DZANK1: variants seen among roughly 807,000 people sequenced by gnomAD.
DZANK1 encodes the protein double zinc ribbon and ankyrin repeat-containing protein 1.
DZANK1 carries 91 observed loss-of-function variants against 94.5 expected under a neutral mutation model. The observed-to-expected ratio is 0.96, with a 90% CI of 0.81 to 1.15. The LOEUF (loss-of-function observed/expected upper bound fraction) is 1.15, where lower values mean the gene tolerates loss of function less well. Among genes scored for constraint, DZANK1 ranks in the 50% most tolerant of loss-of-function variants. The pLI, the probability that DZANK1 is intolerant of heterozygous loss-of-function variation, is 0.00. For synonymous variants in DZANK1, 312 were observed against 325.3 expected (o/e 0.96, Z 0.44); for missense variants, 903 against 916.4 (o/e 0.99, Z 0.19).
chr20:18,434,545 C>CAAAAAA (rs55680576), intron 8 of DZANK1, among the ~76,000 whole-genome samples: 1 of 47,558 alleles, frequency 2.1e-5, no homozygotes, highest in Non-Finnish European at 4.1e-5. Context: ...GACTCCTGCT[C>CAAAAAA]AAAAAAAAAA....
intron 14 of DZANK1, among the ~76,000 whole-genome samples, chr20:18,397,805 C>T (rs1165442856): frequency 1.3e-5 from 2 of 152,136 alleles, no homozygotes; most frequent in African/African-American, 2.4e-5. Context: ...TCAGCTGGCG[C>T]ACCTACATGC....
chr20:18,402,648 G>A (rs554096043), intron 13 of DZANK1, among the ~76,000 whole-genome samples: 8 of 152,108 alleles, frequency 5.3e-5, no homozygotes, highest in South Asian at 2.1e-4. Context: ...CAAGTCACCC[G>A]CTTGGCCTTC....
At chr20:18,384,994 C>T (rs1230067859) in intron 20 of DZANK1, 22 bp downstream of exon 20, 1 of 1,550,240 alleles carries the variant, frequency 6.5e-7, no homozygotes, top group East Asian at 2.4e-5. Flanking sequence ...CAAAAGTATC[C>T]ATCAGAGGCC....
At chr20:18,384,339 G>GT in exon 21 of DZANK1, 1 of 1,513,226 alleles carries the variant, frequency 6.6e-7, no homozygotes, top group Non-Finnish European at 8.9e-7. Context: ...GATTACAGGC[G>GT]TAAGCCACTG....
intron 13 of DZANK1, among the ~76,000 whole-genome samples, chr20:18,408,135 GT>G (rs2057051227): frequency 6.6e-6 from 1 of 152,126 alleles, no homozygotes; most frequent in South Asian, 2.1e-4. Flanking sequence ...GGCCAACAGG[GT>G]GAAACCCCAT....
chr20:18,459,930 A>G (rs936638054), intron 3 of DZANK1, among the ~76,000 whole-genome samples: 1 of 152,232 alleles, frequency 6.6e-6, no homozygotes, highest in Admixed American at 6.5e-5. Flanking sequence ...ATTAATATAC[A>G]TAACACTTCA....
At position 18,453,734 on chromosome 20, in the gene DZANK1, G is replaced by T. The variant is rs368952463; in HGVS notation, c.472C>A (p.Pro158Thr). 94 of 1,608,138 alleles carry T rather than the reference G, an allele frequency of 5.8e-5. No individual in the cohort carries two copies. The highest frequency in any genetic ancestry group is 7.5e-5 in the Non-Finnish European group (88 of 1,175,650). Residue 158 changes from proline to threonine, a missense_variant, in exon 5 of 21, where the codon CCA (proline) becomes ACA (threonine). Physicochemically the swap from Pro to Thr is conservative, Grantham distance 38 (BLOSUM62 -1). Transcript: ENST00000262547. ...TCTTTGTTCTGTCACATCATACCTG[G>T]AAACTTTCTAAGGTTAACATTCCAG... is the stretch of plus-strand genomic sequence containing the variant.
chr20:18,444,087 A>G (rs115777571), intron 7 of DZANK1, among the ~76,000 whole-genome samples: 2,776 of 152,282 alleles, frequency 0.018, 92 homozygotes, highest in African/African-American at 0.064. Flanking sequence ...TGCTACTGCC[A>G]TGCCTTTCCA....
At chr20:18,424,063 A>C (rs1048601030) in intron 10 of DZANK1, among the ~76,000 whole-genome samples, 1 of 152,228 alleles carries the variant, frequency 6.6e-6, no homozygotes, top group African/African-American at 2.4e-5. Context: ...ATGATAAAGA[A>C]AGAACACACA....
chr20:18,414,269 G>T, intron 12 of DZANK1, 79 bp downstream of exon 12: 1 of 1,512,558 alleles, frequency 6.6e-7, no homozygotes, highest in Middle Eastern at 2.4e-4. Flanking sequence ...TCCCCGGGTT[G>T]ATTCACAGGG....
chr20:18,434,852 G>A lies in DZANK1; in HGVS notation c.748-1087C>T, dbSNP rs114720859. Among the ~76,000 whole-genome samples, 535 of 152,298 alleles carry A rather than the reference G, an allele frequency of 3.5e-3. 3 individuals are homozygous for A. The highest frequency in any genetic ancestry group is 0.012 in the African/African-American group (501 of 41,560). On this transcript the variant is annotated intron_variant, in intron 8 of 20. Transcript: ENST00000262547. Reference sequence around the variant, plus strand: ...GTTAAGGTGACGATTTTGGTGGCAAGCAAACAAGGAAGACCAGTGGTCCCC... The same window carrying A: ...GTTAAGGTGACGATTTTGGTGGCAAACAAACAAGGAAGACCAGTGGTCCCC...
chr20:18,459,992 G>A (rs180968727), intron 3 of DZANK1, among the ~76,000 whole-genome samples, 161 bp downstream of exon 3: 11 of 152,224 alleles, frequency 7.2e-5, no homozygotes, highest in Admixed American at 6.5e-4. Flanking sequence ...TCAATGAAAG[G>A]CAAGTAAAAC....
At chr20:18,398,665 C>A in intron 13 of DZANK1, 39 bp from the exon 14 acceptor site, 1 of 1,575,182 alleles carries the variant, frequency 6.3e-7, no homozygotes, top group South Asian at 1.1e-5. Context: ...GGATGATTCT[C>A]CTGAGACTAA....
rs182799513 is a variant in DZANK1 at position 18,394,545 on chromosome 20, C to G, written c.1612-195G>C. The G allele has an allele frequency of 7.1e-4, 494 of 692,048 alleles. 2 individuals are homozygous for G. The African/African-American group carries it at 7.3e-3, about 10-fold the overall frequency. 42.9% of individuals were successfully genotyped at this position (692,048 alleles called of 1,614,324 possible). On this transcript the variant is annotated intron_variant, in intron 15 of 20. Transcript: ENST00000262547. ...ATGCTTTGTCCGTTCTGCCCCTTACCCGCGGCTCAGTCTGGCCCCTCCTCC... is the reference window on the plus strand; with the variant it reads ...ATGCTTTGTCCGTTCTGCCCCTTACGCGCGGCTCAGTCTGGCCCCTCCTCC...
chr20:18,435,735 C>T (rs933081152), intron 8 of DZANK1, among the ~76,000 whole-genome samples: 1 of 150,228 alleles, frequency 6.7e-6, no homozygotes, highest in Non-Finnish European at 1.5e-5. Context: ...ATGTTCTGCA[C>T]ATGTATCCCA....
At chr20:18,429,659 C>T (rs2058201310) in intron 9 of DZANK1, among the ~76,000 whole-genome samples, 1 of 152,202 alleles carries the variant, frequency 6.6e-6, no homozygotes, top group East Asian at 1.9e-4. Flanking sequence ...ATACCTTTCC[C>T]TGCCCTCCTT....
At chr20:18,449,890 C>G (rs2059031821) in intron 6 of DZANK1, among the ~76,000 whole-genome samples, 1 of 151,190 alleles carries the variant, frequency 6.6e-6, no homozygotes, top group South Asian at 2.1e-4. Context: ...ACCAGCCTGA[C>G]CAACATGGAG....
chr20:18,390,163 C>T (rs2055880644), intron 18 of DZANK1, among the ~76,000 whole-genome samples: 1 of 152,242 alleles, frequency 6.6e-6, no homozygotes, highest in African/African-American at 2.4e-5. Flanking sequence ...TCCTTGGTCT[C>T]ATCTGTGCTT....
At chr20:18,453,871 T>C in intron 4 of DZANK1, 44 bp from the exon 5 acceptor site, 2 of 1,168,548 alleles carry the variant, frequency 1.7e-6, no homozygotes, top group Non-Finnish European at 2.6e-6. Flanking sequence ...GTTATTCCCA[T>C]GTGAGAATTA....
Sources: allele counts gnomAD v4.1 joint callset (sites outside exome capture counted in the v4.1 genomes callset), GRCh38; gene constraint gnomAD v4.1.1; transcripts MANE v1.5; gene names NCBI Gene and HGNC (gene_info 2026-07-23, HGNC 2026-07-21).